The following HS2ST1 variants were observed in gnomAD, a reference collection of about 807,000 sequenced individuals.
The protein encoded by HS2ST1 is heparan sulfate 2-O-sulfotransferase 1.
A neutral mutation model predicts 42.9 loss-of-function variants in HS2ST1; 18 were observed. That is an observed-to-expected ratio of 0.42 (90% confidence interval 0.29 to 0.62). The LOEUF is 0.62. Ranked by LOEUF, HS2ST1 falls within the 20% of genes least tolerant of loss-of-function variation. The pLI is 0.21. For missense variants in HS2ST1, 334 were observed against 433.8 expected (o/e 0.77, Z 2.04); for synonymous variants, 146 against 152.9 (o/e 0.95, Z 0.33).
chr1:87,037,633 CCT>C (rs971894489), intron 1 of HS2ST1, among the ~76,000 whole-genome samples: 15 of 150,494 alleles, frequency 1.0e-4, no homozygotes, highest in Non-Finnish European at 1.5e-5. Flanking sequence ...CAATTCTGAT[CCT>C]CTGTCTTGTA....
intron 1 of HS2ST1, among the ~76,000 whole-genome samples, chr1:86,988,983 G>A (rs920121498): frequency 6.6e-6 from 1 of 152,214 alleles, no homozygotes; most frequent in African/African-American, 2.4e-5. Flanking sequence ...GATCATTCAT[G>A]GGAAACGGTC....
At chr1:87,098,361 C>A (rs1652120016) in intron 5 of HS2ST1, 1 of 977,498 alleles carries the variant, frequency 1.0e-6, no homozygotes. Flanking sequence ...TTAAGAGAAG[C>A]CAAGGTTATG....
intron 1 of HS2ST1, among the ~76,000 whole-genome samples, chr1:86,991,458 A>G (rs1648950712): frequency 6.6e-6 from 1 of 152,194 alleles, no homozygotes; most frequent in South Asian, 2.1e-4. Context: ...CAGGGATTGA[A>G]TAGGTAGCCT....
At chr1:87,102,327 G>A (rs1056955845) in intron 5 of HS2ST1, among the ~76,000 whole-genome samples, 25 of 152,042 alleles carry the variant, frequency 1.6e-4, no homozygotes, top group African/African-American at 5.8e-4. Context: ...CAAAGTGCTG[G>A]GATTACAGGT....
At chr1:86,984,014 T>A (rs187563568) in intron 1 of HS2ST1, among the ~76,000 whole-genome samples, 2 of 149,420 alleles carry the variant, frequency 1.3e-5, no homozygotes, top group Non-Finnish European at 3.0e-5. Context: ...AACTCTAGCC[T>A]GGGTGACAGA....
chr1:86,947,273 G>A (rs1366406372), intron 1 of HS2ST1, among the ~76,000 whole-genome samples: 1 of 152,226 alleles, frequency 6.6e-6, no homozygotes, highest in Non-Finnish European at 1.5e-5. Flanking sequence ...AAATGTGAGA[G>A]AGCAATGGAG....
rs563893058 is a variant in HS2ST1 at position 87,021,210 on chromosome 1, A to G, written c.125-51724A>G. Among the ~76,000 whole-genome samples the G allele has an allele frequency of 7.0e-4, 106 of 152,232 alleles. 1 individual carries two copies. The highest frequency in any genetic ancestry group is 2.4e-3 in the African/African-American group (98 of 41,538). ...GGTGTGTTTCTCACTCCCAGAATAC[A>G]TGTTGACTCCACTTGTCCTTCAGGT... On this transcript the variant is annotated intron_variant, in intron 1 of 6. Transcript: ENST00000370550.
chr1:87,084,558 C>T (rs886534500), intron 3 of HS2ST1, among the ~76,000 whole-genome samples: 1 of 152,054 alleles, frequency 6.6e-6, no homozygotes, highest in Non-Finnish European at 1.5e-5. Flanking sequence ...GACACTACTT[C>T]AGGAGAGCTC....
At chr1:87,045,779 A>T (rs772477294) in intron 1 of HS2ST1, 29 of 905,544 alleles carry the variant, frequency 3.2e-5, no homozygotes, top group Non-Finnish European at 5.3e-5. Context: ...GGTTTGTAGC[A>T]GAGGTAACAA....
chr1:87,021,004 T>C (rs776993500), intron 1 of HS2ST1, among the ~76,000 whole-genome samples: 4 of 152,200 alleles, frequency 2.6e-5, no homozygotes, highest in African/African-American at 4.8e-5. Flanking sequence ...GTACCCCAGC[T>C]ACTCCTCTTT....
chr1:86,957,317 G>T (rs1647702023), intron 1 of HS2ST1, among the ~76,000 whole-genome samples: 1 of 152,186 alleles, frequency 6.6e-6, no homozygotes, highest in East Asian at 1.9e-4. Context: ...TACAGAGGAA[G>T]AAACATGACT....
rs142239312 is a variant in HS2ST1 at position 87,061,508 on chromosome 1, A to ATCT, written c.125-11425_125-11423dup. ...AATCTAATTATATATGACCTTCGGT[A>ATCT]TCTGGCTTCTTAGCATATTTTTGAT... On this transcript the variant is annotated intron_variant, in intron 1 of 6. Transcript: ENST00000370550. 1.4e-3 allele frequency among the ~76,000 whole-genome samples: 220 copies of ATCT among 152,214 alleles called. No homozygotes were observed. In the East Asian group the frequency reaches 0.035, roughly 24 times the overall value.
intron 5 of HS2ST1, among the ~76,000 whole-genome samples, chr1:87,100,251 G>T (rs942629110): frequency 1.3e-5 from 2 of 152,196 alleles, no homozygotes; most frequent in East Asian, 3.9e-4. Context: ...CTTCATGCTT[G>T]CATTCTGAGC....
chr1:87,044,894 A>G (rs1428439577), intron 1 of HS2ST1: 14 of 1,323,158 alleles, frequency 1.1e-5, no homozygotes, highest in African/African-American at 1.5e-5. Context: ...TAGATAAACT[A>G]AGTAGTAAGA....
At chr1:86,963,988 A>G (rs1647953032) in intron 1 of HS2ST1, among the ~76,000 whole-genome samples, 1 of 148,582 alleles carries the variant, frequency 6.7e-6, no homozygotes, top group African/African-American at 2.5e-5. Context: ...GGGGCTCCTC[A>G]CTTCTCAGAC....
intron 1 of HS2ST1, among the ~76,000 whole-genome samples, chr1:87,003,458 C>T (rs1357664163): frequency 6.6e-6 from 1 of 152,124 alleles, no homozygotes; most frequent in Non-Finnish European, 1.5e-5. Flanking sequence ...AAGTTCAGTG[C>T]TTACGTTACC....
rs201730174 is a variant in HS2ST1, at chr1:86,914,987, T to C, written c.-50T>C. The C allele has an allele frequency of 1.1e-3, 1,723 of 1,609,382 alleles. 21 individuals are homozygous for C. The African/African-American group carries it at 0.021, about 19-fold the overall frequency. On this transcript the variant is annotated 5_prime_UTR_variant, in exon 1 of 7. Transcript: ENST00000370550. The stretch of plus-strand genomic sequence containing the variant: ...CCCGGCGTCTCTCTCGCCTCCGGGG[T>C]CCCGCTCCCCGCCCCCCGCGGTATG...
At chr1:86,988,491 G>T (rs1481597895) in intron 1 of HS2ST1, among the ~76,000 whole-genome samples, 1 of 152,170 alleles carries the variant, frequency 6.6e-6, no homozygotes, top group Non-Finnish European at 1.5e-5. Flanking sequence ...TGCATTAATT[G>T]TCATTTATAC....
intron 3 of HS2ST1, among the ~76,000 whole-genome samples, chr1:87,092,316 G>A (rs2807950): frequency 0.78 from 117,863 of 151,768 alleles, 46,169 homozygotes; most frequent in East Asian, 0.94. Context: ...TTCAGACATA[G>A]TTTTTAAATT....
Sources: allele counts gnomAD v4.1 joint callset (sites outside exome capture counted in the v4.1 genomes callset), GRCh38; gene constraint gnomAD v4.1.1; transcripts MANE v1.5; gene names NCBI Gene and HGNC (gene_info 2026-07-23, HGNC 2026-07-21).